Variants in CHST9 observed in about 807,000 individuals in gnomAD.
CHST9 encodes GalNAc-4-sulfotransferase 2.
A neutral mutation model predicts 44.4 loss-of-function variants in CHST9; 41 were observed. The observed-to-expected ratio is 0.92, with a 90% CI of 0.72 to 1.20. CHST9 has a LOEUF of 1.20. Ranked by LOEUF, CHST9 falls within the 50% of genes most tolerant of loss-of-function variation. The pLI is 0.00. For missense variants in CHST9, 504 were observed against 516.5 expected, an observed-to-expected ratio of 0.98 and a Z score of 0.23; for synonymous variants, 171 against 178.4, an observed-to-expected ratio of 0.96 and a Z score of 0.33.
chr18:26,916,424 C>T lies in CHST9; in HGVS notation c.1167G>A (p.Glu389=), dbSNP rs2055523587. The change falls in exon 6 of 6, where the codon GAG becomes GAA. Residue 389 remains glutamate, a synonymous_variant. Transcript: ENST00000618847. The part of the protein sequence containing the change: ...YFLQMIGAPK[E]LKFPNFKDRH... ...TATCCTTAAAGTTGGGAAATTTCAG[C>T]TCCTTTGGAGCACCGATCATCTGTA... The T allele has an allele frequency of 6.2e-7, 1 of 1,613,768 alleles. No individual in the cohort carries two copies.
At chr18:27,023,645 C>T (rs1035734052) in intron 4 of CHST9, among the ~76,000 whole-genome samples, 1 of 152,108 alleles carries the variant, frequency 6.6e-6, no homozygotes, top group African/African-American at 2.4e-5. Context: ...GCAGAAAATT[C>T]AAAGCTAAAT....
intron 2 of CHST9, among the ~76,000 whole-genome samples, chr18:27,129,871 G>C (rs898226240): frequency 6.6e-6 from 1 of 151,952 alleles, no homozygotes. Flanking sequence ...TCCTCGTGGT[G>C]CATCTAGTTG....
chr18:27,106,272 G>A (rs892111502), intron 2 of CHST9, among the ~76,000 whole-genome samples: 6 of 151,912 alleles, frequency 3.9e-5, no homozygotes, highest in African/African-American at 1.5e-4. Flanking sequence ...ATGCTGTGTG[G>A]GACTAATTCT....
At position 26,917,149 on chromosome 18, in the gene CHST9, T is replaced by G. The variant is rs867320106; in HGVS notation, c.442A>C (p.Asn148His). 2 of 1,613,966 alleles carry G rather than the reference T, an allele frequency of 1.2e-6. No homozygotes were observed. Among genetic ancestry groups the G allele is most frequent in the Admixed American group, 3.3e-5 (2 of 59,992 alleles). The stretch of plus-strand genomic sequence containing the variant: ...TGAATGTCCACTGGCCAATTCATGT[T>G]GCTGAACTTGTTAAAAACAGTCTTA... ...GAKTVFNKFS[N>H]MNWPVDIHPL... is the part of the protein sequence containing the mutation. The change falls in exon 6 of 6, where the codon AAC (asparagine) becomes CAC (histidine). Residue 148 changes from asparagine (N) to histidine (H), a missense_variant. Transcript: ENST00000618847.
chr18:27,153,546 C>CTGTGTGTGTGTG lies in CHST9; in HGVS notation c.-96-10653_-96-10642dup, dbSNP rs370815871. Among the ~76,000 whole-genome samples, 55 of 138,612 alleles carry CTGTGTGTGTGTG rather than the reference C, an allele frequency of 4.0e-4. 1 individual carries two copies. The highest frequency in any genetic ancestry group is 1.2e-3 in the South Asian group (5 of 4,168). 90.9% of individuals were successfully genotyped at this position (138,612 alleles called of 152,430 possible). A position where few individuals can be genotyped will look rare whatever the true frequency, so the allele number is the denominator to read the frequency against. On this transcript the variant is annotated intron_variant, in intron 1 of 5. Transcript: ENST00000618847. ...TGTCTTTCTCTCTCTCTCTCTCTCT[C>CTGTGTGTGTGTG]TGTGTGTGTGTGTGTGTGTGTATGT...
intron 1 of CHST9, among the ~76,000 whole-genome samples, chr18:27,144,174 A>C (rs1371577802): frequency 6.6e-6 from 1 of 152,138 alleles, no homozygotes. Context: ...GAGCCGAATA[A>C]ATGTTTCTTA....
chr18:27,101,830 GTCA>G (rs779302678), intron 2 of CHST9, among the ~76,000 whole-genome samples: 1 of 152,068 alleles, frequency 6.6e-6, no homozygotes, highest in Non-Finnish European at 1.5e-5. Flanking sequence ...AATGCTCTTA[GTCA>G]TCATGTCAAA....
chr18:27,099,605 G>A (rs1157513350), intron 2 of CHST9, among the ~76,000 whole-genome samples: 1 of 152,008 alleles, frequency 6.6e-6, no homozygotes, highest in Non-Finnish European at 1.5e-5. Context: ...AGAAACATGT[G>A]AGAAAATGTT....
intron 1 of CHST9, among the ~76,000 whole-genome samples, chr18:27,145,187 T>C (rs2058601701): frequency 6.6e-6 from 1 of 152,086 alleles, no homozygotes; most frequent in Non-Finnish European, 1.5e-5. Context: ...TGTTTGTTTG[T>C]TTGTTTTGTT....
At chr18:27,083,271 A>G (rs564313499) in intron 2 of CHST9, among the ~76,000 whole-genome samples, 1 of 152,132 alleles carries the variant, frequency 6.6e-6, no homozygotes, top group South Asian at 2.1e-4. Flanking sequence ...ACAATTGTGA[A>G]GGGCTTATTA....
intron 5 of CHST9, among the ~76,000 whole-genome samples, chr18:26,926,228 G>A (rs985944525): frequency 1.3e-5 from 2 of 152,176 alleles, no homozygotes; most frequent in African/African-American, 4.8e-5. Context: ...TATTCAAGTT[G>A]ATCCAAAAAG....
intron 2 of CHST9, among the ~76,000 whole-genome samples, chr18:27,110,778 G>C (rs2058264422): frequency 6.6e-6 from 1 of 152,300 alleles, no homozygotes; most frequent in Non-Finnish European, 1.5e-5. Flanking sequence ...GCTGACCTAG[G>C]ACATTGTTGA....
At chr18:27,022,052 G>A (rs533688114) in intron 4 of CHST9, among the ~76,000 whole-genome samples, 2 of 152,298 alleles carry the variant, frequency 1.3e-5, no homozygotes, top group South Asian at 2.1e-4. Context: ...GTGCATTGTA[G>A]TTTATAAAAT....
chr18:27,083,228 C>T (rs146208691), intron 2 of CHST9, among the ~76,000 whole-genome samples: 24 of 152,220 alleles, frequency 1.6e-4, no homozygotes, highest in African/African-American at 5.8e-4. Context: ...GGCAATGCAG[C>T]GTTCTTTCTA....
At chr18:27,117,737 T>C (rs1230701207) in intron 2 of CHST9, among the ~76,000 whole-genome samples, 4 of 152,224 alleles carry the variant, frequency 2.6e-5, no homozygotes, top group Non-Finnish European at 4.4e-5. Flanking sequence ...CATTTCTTTT[T>C]AGTGCCAAGT....
chr18:27,053,689 C>T (rs1375687640), intron 2 of CHST9, among the ~76,000 whole-genome samples: 1 of 152,160 alleles, frequency 6.6e-6, no homozygotes, highest in East Asian at 1.9e-4. Context: ...GACAATTTGG[C>T]CATAACTTTC....
chr18:27,011,193 A>G (rs2057079699), intron 4 of CHST9, among the ~76,000 whole-genome samples: 2 of 152,388 alleles, frequency 1.3e-5, no homozygotes, highest in African/African-American at 4.8e-5. Context: ...AAAGAATGAC[A>G]AAATAGCAAG....
intron 1 of CHST9, among the ~76,000 whole-genome samples, chr18:27,176,888 T>C (rs992415860): frequency 1.3e-5 from 2 of 152,066 alleles, no homozygotes; most frequent in Non-Finnish European, 1.5e-5. Flanking sequence ...TCTGAAAAAA[T>C]GACTTTGCTA....
chr18:27,171,984 G>A (rs1395721926), intron 1 of CHST9, among the ~76,000 whole-genome samples: 1 of 152,124 alleles, frequency 6.6e-6, no homozygotes, highest in Non-Finnish European at 1.5e-5. Context: ...AAATGGTTAT[G>A]TACTTGGTCT....
Sources: gnomAD v4.1 joint callset for allele counts (sites outside exome capture counted in the v4.1 genomes callset) on GRCh38, gnomAD v4.1.1 for gene constraint, MANE v1.5 for transcripts, NCBI Gene and HGNC (gene_info 2026-07-23, HGNC 2026-07-21) for gene names.